Variants in ST6GALNAC3 observed in about 807,000 individuals in gnomAD.
The protein encoded by ST6GALNAC3 is ST6 N-acetylgalactosaminide alpha-2,6-sialyltransferase 3.
ST6GALNAC3 carries 25 observed loss-of-function variants against 32.7 expected under a neutral mutation model. The observed-to-expected ratio is 0.76, with a 90% confidence interval of 0.56 to 1.07. The LOEUF (loss-of-function observed/expected upper bound fraction) is 1.07, where lower values mean the gene tolerates loss of function less well. Ranked by LOEUF, ST6GALNAC3 falls within the 50% of genes least tolerant of loss-of-function variation. The pLI is 0.00. For missense variants in ST6GALNAC3, 355 were observed against 382.4 expected (o/e 0.93, Z 0.60); for synonymous variants, 129 against 133.1 (o/e 0.97, Z 0.21).
At chr1:76,121,392 ACTGT>A (rs923920189) in intron 1 of ST6GALNAC3, among the ~76,000 whole-genome samples, 1 of 151,852 alleles carries the variant, frequency 6.6e-6, no homozygotes, top group African/African-American at 2.4e-5. Context: ...TTGCCTCCCC[ACTGT>A]CTGTTCTCTG....
chr1:76,357,997 C>T (rs186865854), intron 2 of ST6GALNAC3, among the ~76,000 whole-genome samples: 3 of 152,234 alleles, frequency 2.0e-5, no homozygotes, highest in Admixed American at 1.3e-4. Context: ...CAACATACTA[C>T]ACCTTTTTCA....
At chr1:76,572,265 C>T (rs1275849831) in intron 3 of ST6GALNAC3, among the ~76,000 whole-genome samples, 3 of 152,040 alleles carry the variant, frequency 2.0e-5, no homozygotes, top group Non-Finnish European at 4.4e-5. Context: ...CATATCCTTT[C>T]CTCTTTTCTA....
At chr1:76,296,381 AGTT>A (rs1660406099) in intron 1 of ST6GALNAC3, among the ~76,000 whole-genome samples, 1 of 152,100 alleles carries the variant, frequency 6.6e-6, no homozygotes, top group African/African-American at 2.4e-5. Context: ...GTAGAAATTC[AGTT>A]GTTCTCTTTT....
intron 2 of ST6GALNAC3, among the ~76,000 whole-genome samples, chr1:76,388,703 G>T (rs1479535255): frequency 6.6e-6 from 1 of 152,098 alleles, no homozygotes; most frequent in Non-Finnish European, 1.5e-5. Context: ...AAGGAAATAG[G>T]CTCCATTTGT....
At chr1:76,177,655 G>A (rs1652931604) in intron 1 of ST6GALNAC3, among the ~76,000 whole-genome samples, 1 of 152,164 alleles carries the variant, frequency 6.6e-6, no homozygotes, top group South Asian at 2.1e-4. Flanking sequence ...CAGCTAGAGT[G>A]CAGAGGAGAA....
chr1:76,535,337 C>A (rs1253559542), intron 3 of ST6GALNAC3, among the ~76,000 whole-genome samples: 1 of 152,014 alleles, frequency 6.6e-6, no homozygotes, highest in African/African-American at 2.4e-5. Context: ...AGTTATAAAC[C>A]AAACAATACC....
chr1:76,280,899 G>A (rs1212757657), intron 1 of ST6GALNAC3, among the ~76,000 whole-genome samples: 2 of 152,196 alleles, frequency 1.3e-5, no homozygotes, highest in African/African-American at 4.8e-5. Context: ...GATGCTCACT[G>A]AATATCACCT....
At chr1:76,574,326 AT>A (rs1272340541) in intron 3 of ST6GALNAC3, among the ~76,000 whole-genome samples, 2 of 152,056 alleles carry the variant, frequency 1.3e-5, no homozygotes, top group Non-Finnish European at 2.9e-5. Flanking sequence ...TTTGACAATT[AT>A]TTAAGTCTGC....
intron 1 of ST6GALNAC3, among the ~76,000 whole-genome samples, chr1:76,270,899 T>C (rs1188411095): frequency 6.6e-6 from 1 of 152,192 alleles, no homozygotes; most frequent in African/African-American, 2.4e-5. Context: ...TGAAAGATAA[T>C]GTATTACTCT....
intron 3 of ST6GALNAC3, among the ~76,000 whole-genome samples, chr1:76,513,676 A>ATTTGGTAT (rs543366731): frequency 1.3e-5 from 2 of 152,050 alleles, no homozygotes; most frequent in Middle Eastern, 3.2e-3. Context: ...TTTGATAAGA[A>ATTTGGTAT]TTTGGTATTT....
chr1:76,589,169 C>T (rs540693176), intron 3 of ST6GALNAC3, among the ~76,000 whole-genome samples: 11 of 152,280 alleles, frequency 7.2e-5, no homozygotes, highest in African/African-American at 2.6e-4. Context: ...TAAGACATTT[C>T]ATCACAGCAA....
At chr1:76,386,573 T>A (rs1652110888) in intron 2 of ST6GALNAC3, among the ~76,000 whole-genome samples, 1 of 152,164 alleles carries the variant, frequency 6.6e-6, no homozygotes, top group Non-Finnish European at 1.5e-5. Context: ...CCCTGAGAGC[T>A]TGGACAGGGT....
intron 2 of ST6GALNAC3, among the ~76,000 whole-genome samples, chr1:76,329,973 T>C (rs1283080937): frequency 1.3e-5 from 2 of 151,290 alleles, no homozygotes; most frequent in African/African-American, 4.9e-5. Context: ...CATGCCCAGC[T>C]AATTTTTGTA....
chr1:76,266,143 A>G (rs1390386091), intron 1 of ST6GALNAC3, among the ~76,000 whole-genome samples: 2 of 152,210 alleles, frequency 1.3e-5, no homozygotes, highest in Non-Finnish European at 2.9e-5. Flanking sequence ...GAATTTATTT[A>G]TTAATTCACC....
chr1:76,214,560 C>T (rs919040256), intron 1 of ST6GALNAC3, among the ~76,000 whole-genome samples: 1 of 152,066 alleles, frequency 6.6e-6, no homozygotes, highest in African/African-American at 2.4e-5. Flanking sequence ...CAAGCATTCA[C>T]TAAAATTAAG....
chr1:76,570,655 A>G (rs1398205882), intron 3 of ST6GALNAC3, among the ~76,000 whole-genome samples: 2 of 152,080 alleles, frequency 1.3e-5, no homozygotes, highest in Admixed American at 6.6e-5. Flanking sequence ...GCTAAGGCTT[A>G]TGCGTGCTTT....
chr1:76,489,237 G>A (rs1261803952), intron 3 of ST6GALNAC3, among the ~76,000 whole-genome samples: 1 of 152,082 alleles, frequency 6.6e-6, no homozygotes, highest in Non-Finnish European at 1.5e-5. Context: ...TGGTAATATT[G>A]AACTTATTTG....
At chr1:76,423,819 G>T (rs1012978642) in intron 3 of ST6GALNAC3, among the ~76,000 whole-genome samples, 1 of 151,890 alleles carries the variant, frequency 6.6e-6, no homozygotes, top group South Asian at 2.1e-4. Context: ...TTGAACTTTT[G>T]TTGATTGGAG....
chr1:76,401,761 T>G (rs1448553918), intron 2 of ST6GALNAC3, among the ~76,000 whole-genome samples: 2 of 152,308 alleles, frequency 1.3e-5, no homozygotes, highest in Admixed American at 1.3e-4. Flanking sequence ...TTGACAGATT[T>G]TATAAGACTG....
Sources: allele counts gnomAD v4.1 joint callset (sites outside exome capture counted in the v4.1 genomes callset), GRCh38; gene constraint gnomAD v4.1.1; transcripts MANE v1.5; gene names NCBI Gene and HGNC (gene_info 2026-07-23, HGNC 2026-07-21).